The following IQSEC2 variants were observed in gnomAD, a reference collection of about 807,000 sequenced individuals.
IQSEC2 encodes the protein IQ motif and SEC7 domain-containing protein 2.
IQSEC2 carries 6 observed loss-of-function variants against 74.6 expected under a neutral mutation model. That is an observed-to-expected ratio of 0.08 (90% CI 0.04 to 0.16). The LOEUF (loss-of-function observed/expected upper bound fraction) is 0.16, where lower values mean the gene tolerates loss of function less well. Among genes scored for constraint, IQSEC2 ranks in the 10% least tolerant of loss-of-function variants. The pLI is 1.00. For synonymous variants in IQSEC2, 494 were observed against 544.5 expected, an observed-to-expected ratio of 0.91 and a Z score of 1.29; for missense variants, 734 against 1,306.2, an observed-to-expected ratio of 0.56 and a Z score of 6.75.
At position 53,247,228 on chromosome X, in the gene IQSEC2, G is replaced by A. The variant is rs1026309749; in HGVS notation, c.2583-93C>T. On this transcript the variant is annotated intron_variant, in intron 7 of 14. Transcript: ENST00000642864. The stretch of plus-strand genomic sequence containing the variant: ...AGTCTGGCACCAGCAACCCTTTCCT[G>A]CAAGAAATACTTTCTTGATCTCTGG... The A allele has an allele frequency of 4.6e-6, 4 of 867,681 alleles. No homozygotes were observed. The East Asian group carries it at 1.3e-4, about 29-fold the overall frequency. 71.5% of individuals were successfully genotyped at this position (867,681 alleles called of 1,213,427 possible).
intron 2 of IQSEC2, among the ~76,000 whole-genome samples, chrX:53,285,789 T>C (rs2075019989): frequency 8.9e-6 from 1 of 112,650 alleles, no homozygotes; most frequent in Non-Finnish European, 1.9e-5. Context: ...GAGGAGGTGA[T>C]GGGAAGCCCC....
In IQSEC2 at chrX:53,308,675, A is replaced by G. The variant is rs782668815; in HGVS notation, c.707+11742T>C. 3.6e-5 allele frequency among the ~76,000 whole-genome samples: 4 copies of G among 111,652 alleles called. No individual in the cohort carries two copies. In the East Asian group the frequency reaches 8.4e-4, roughly 23 times the overall value. On this transcript the variant is annotated intron_variant, in intron 1 of 14. Transcript: ENST00000642864. Reference sequence around the variant, plus strand: ...GGAGGGAAGGATGGCACTAATAACTATGTCTTACAAAGTACGTGGTCAAGA... The same window carrying G: ...GGAGGGAAGGATGGCACTAATAACTGTGTCTTACAAAGTACGTGGTCAAGA...
intron 2 of IQSEC2, among the ~76,000 whole-genome samples, chrX:53,264,002 G>A (rs1229517968): frequency 2.7e-5 from 3 of 111,881 alleles, no homozygotes; most frequent in South Asian, 3.7e-4. Context: ...ACGTGTGTCT[G>A]TGTGTGTGTG....
chrX:53,232,055 C>T (rs1261427515), downstream of IQSEC2, among the ~76,000 whole-genome samples: 2 of 111,777 alleles, frequency 1.8e-5, no homozygotes, highest in Non-Finnish European at 3.8e-5. Flanking sequence ...CCCCACTTCT[C>T]CTGCGCTAGG....
chrX:53,241,199 G>C (rs1556860772), intron 10 of IQSEC2, among the ~76,000 whole-genome samples: 1 of 111,477 alleles, frequency 9.0e-6, no homozygotes, highest in Non-Finnish European at 1.9e-5. Flanking sequence ...TCTGCCTCCT[G>C]GGCTCAAGTG....
chrX:53,289,600 G>C (rs1217661263), intron 2 of IQSEC2, among the ~76,000 whole-genome samples: 1 of 111,310 alleles, frequency 9.0e-6, no homozygotes, highest in African/African-American at 3.3e-5. Context: ...TAACTGGAGC[G>C]AATTCAAAAA....
chrX:53,313,339 G>C (rs923914035), intron 1 of IQSEC2, among the ~76,000 whole-genome samples: 6 of 111,824 alleles, frequency 5.4e-5, no homozygotes, highest in Non-Finnish European at 1.1e-4. Flanking sequence ...GGCTCTGAAA[G>C]TGAAGTGATT....
At chrX:53,282,106 T>C (rs1556870996) in intron 2 of IQSEC2, among the ~76,000 whole-genome samples, 2 of 112,708 alleles carry the variant, frequency 1.8e-5, no homozygotes. Flanking sequence ...TGTTGGGGTA[T>C]CAAGATGGGG....
intron 10 of IQSEC2, among the ~76,000 whole-genome samples, 153 bp downstream of exon 10, chrX:53,241,631 C>T (rs983187550): frequency 8.9e-6 from 1 of 112,123 alleles, no homozygotes; most frequent in African/African-American, 3.2e-5. Context: ...GCAGAGAAGG[C>T]CTGGGCCTTG....
intron 1 of IQSEC2, among the ~76,000 whole-genome samples, chrX:53,314,758 G>A (rs782589371): frequency 2.7e-5 from 3 of 112,083 alleles, no homozygotes; most frequent in South Asian, 3.7e-4. Flanking sequence ...GCCAAAGAGA[G>A]AGTGAAACTA....
intron 2 of IQSEC2, among the ~76,000 whole-genome samples, chrX:53,287,749 C>T (rs1031956863): frequency 8.9e-6 from 1 of 112,511 alleles, no homozygotes; most frequent in East Asian, 2.8e-4. Context: ...AAGTTTATTT[C>T]GGTGCCAACC....
At chrX:53,237,982 G>T in intron 12 of IQSEC2, 163 bp downstream of exon 12, 1 of 562,404 alleles carries the variant, frequency 1.8e-6, no homozygotes. Context: ...TGAGCCCCTT[G>T]TCACTGAAGG....
At position 53,288,659 on chromosome X, in the gene IQSEC2, C is replaced by G. The variant is rs782150158; in HGVS notation, c.737+3236G>C. Among the ~76,000 whole-genome samples, 6 of 112,259 alleles carry G rather than the reference C, an allele frequency of 5.3e-5. No individual in the cohort carries two copies. In the East Asian group the frequency reaches 1.7e-3, roughly 31 times the overall value. Reference sequence around the variant, plus strand: ...TTGGGTTAGGGGAAAGCAGAGGACACTACAGTTTGTTGCACCACTATTTCA... The same window carrying G: ...TTGGGTTAGGGGAAAGCAGAGGACAGTACAGTTTGTTGCACCACTATTTCA... On this transcript the variant is annotated intron_variant, in intron 2 of 14. Transcript: ENST00000642864.
chrX:53,308,896 G>A (rs1370439339), intron 1 of IQSEC2, among the ~76,000 whole-genome samples: 3 of 109,128 alleles, frequency 2.7e-5, no homozygotes, highest in Non-Finnish European at 3.8e-5. Flanking sequence ...CTAGGAGCTC[G>A]AGACCTAACT....
chrX:53,256,644 C>T (rs2074475398), intron 2 of IQSEC2, among the ~76,000 whole-genome samples: 1 of 111,914 alleles, frequency 8.9e-6, no homozygotes, highest in Admixed American at 9.4e-5. Context: ...TGCAGCCTGG[C>T]CCCTGCCCCC....
At chrX:53,293,317 G>A (rs1481313019) in intron 1 of IQSEC2, among the ~76,000 whole-genome samples, 1 of 111,691 alleles carries the variant, frequency 9.0e-6, no homozygotes, top group Non-Finnish European at 1.9e-5. Flanking sequence ...TGCGGTGAGA[G>A]TCACTCCCTT....
intron 2 of IQSEC2, chrX:53,279,595 G>A: frequency 8.3e-7 from 1 of 1,203,490 alleles, no homozygotes; most frequent in Non-Finnish European, 1.1e-6. Flanking sequence ...GAGGGGGTAA[G>A]CTTCATGGAG....
rs1238373429 is a variant in IQSEC2, at chrX:53,233,329, C to G, written c.*890G>C. The G allele has an allele frequency of 2.7e-5, 3 of 111,317 alleles. No homozygotes were observed. Among genetic ancestry groups the G allele is most frequent in the African/African-American group, 9.8e-5 (3 of 30,498 alleles). 9.2% of individuals were successfully genotyped at this position (111,317 alleles called of 1,213,427 possible). A position where few individuals can be genotyped will look rare whatever the true frequency, so the allele number is the denominator to read the frequency against. On this transcript the variant is annotated 3_prime_UTR_variant, in exon 15 of 15. Coordinates refer to ENST00000642864, the MANE Select transcript of IQSEC2 (RefSeq NM_001111125.3). The stretch of plus-strand genomic sequence containing the variant: ...GGAGCCTCTCTCCCCAGGGCTGATG[C>G]TGGGTGCCCCTGCCCCAGCGAGGTG...
chrX:53,279,949 G>GGAA (rs2074923066), intron 2 of IQSEC2, among the ~76,000 whole-genome samples: 1 of 102,287 alleles, frequency 9.8e-6, no homozygotes, highest in South Asian at 4.8e-4. Flanking sequence ...AAGGAAGGAA[G>GGAA]GAAGGAAGGA....
Sources: gnomAD v4.1 joint callset for allele counts (sites outside exome capture counted in the v4.1 genomes callset) on GRCh38, gnomAD v4.1.1 for gene constraint, MANE v1.5 for transcripts, NCBI Gene and HGNC (gene_info 2026-07-23, HGNC 2026-07-21) for gene names.